The following GLS variants were observed in gnomAD, a reference collection of about 807,000 sequenced individuals.
The protein encoded by GLS is glutaminase kidney isoform, mitochondrial.
GLS carries 36 observed loss-of-function variants against 86.7 expected under a neutral mutation model. The observed-to-expected ratio is 0.42, with a 90% CI of 0.32 to 0.55. The LOEUF (loss-of-function observed/expected upper bound fraction) is 0.55. Among genes scored for constraint, GLS ranks in the 20% least tolerant of loss-of-function variants. GLS has a pLI of 0.17. For missense variants in GLS, 528 were observed against 833.4 expected (o/e 0.63, Z 4.51); for synonymous variants, 317 against 305.9 (o/e 1.04, Z -0.38).
In GLS at chr2:190,905,124, G is replaced by A. The variant is rs1689088013; in HGVS notation, c.936G>A (p.Glu312=). ...TEYVHRYVGK[E]PSGLRFNKLF... Reference sequence around the variant, plus strand: ...ATGTGCATCGATATGTTGGAAAAGAGCCGAGTGGACTAAGATTCAACAAAC... The same window carrying A: ...ATGTGCATCGATATGTTGGAAAAGAACCGAGTGGACTAAGATTCAACAAAC... Residue 312 remains glutamate (E), a synonymous_variant, in exon 6 of 18, where the codon GAG becomes GAA. Coordinates refer to ENST00000320717, the MANE Select transcript of GLS (RefSeq NM_014905.5). The surrounding 1 kb of genome is among the most constrained non-coding windows in gnomAD (Gnocchi z 4.6). 6.2e-7 allele frequency: 1 copy of A among 1,606,738 alleles called. No individual in the cohort carries two copies.
intron 14 of GLS, among the ~76,000 whole-genome samples, chr2:190,948,231 G>A (rs754655919): frequency 2.0e-5 from 3 of 152,120 alleles, no homozygotes; most frequent in Non-Finnish European, 4.4e-5. Context: ...GTTTTCATGG[G>A]AAGAATACCA....
intron 14 of GLS, 92 bp downstream of exon 14, chr2:190,931,729 G>GCAA (rs1240888074): frequency 8.6e-5 from 51 of 594,796 alleles, no homozygotes; most frequent in Non-Finnish European, 6.0e-6. Flanking sequence ...TAGTTTGTTA[G>GCAA]TGGCCTCGGG....
rs1689838243 is a variant in GLS at position 190,924,491 on chromosome 2, T to G, written c.1198-52T>G. On this transcript the variant is annotated intron_variant, in intron 10 of 17. Transcript: ENST00000320717. The surrounding 1 kb of genome is among the most constrained non-coding windows in gnomAD (Gnocchi z 5.2). ...GAAATTTTTCATATATTTCTCTACTTATGTGCATTCCTGTGTGCCTGAATT... is the reference window on the plus strand; with the variant it reads ...GAAATTTTTCATATATTTCTCTACTGATGTGCATTCCTGTGTGCCTGAATT... 8 of 898,808 alleles carry G rather than the reference T, an allele frequency of 8.9e-6. No homozygotes were observed. The Admixed American group carries it at 1.2e-4, about 14-fold the overall frequency. 55.7% of individuals were successfully genotyped at this position (898,808 alleles called of 1,614,324 possible).
rs530350238 is a variant in GLS, at chr2:190,913,945, A to C, written c.1038+3624A>C. Reference sequence around the variant, plus strand: ...CTCCAGAGTAGCTGAGACCACAGGCACAGGCTACCATGCAGGGCTAATTCT... The same window carrying C: ...CTCCAGAGTAGCTGAGACCACAGGCCCAGGCTACCATGCAGGGCTAATTCT... On this transcript the variant is annotated intron_variant, in intron 7 of 17. Coordinates refer to ENST00000320717, the MANE Select transcript of GLS (RefSeq NM_014905.5). This position sits in a 1 kb window ranked among gnomAD's most constrained non-coding sequence, Gnocchi z 6.1. 3 of 153,304 alleles carry C rather than the reference A, an allele frequency of 2.0e-5. No homozygotes were observed. The South Asian group carries it at 6.2e-4, about 32-fold the overall frequency. The allele number at this position is 153,304 out of a possible 1,614,324, so 9.5% of individuals were successfully genotyped here.
intron 3 of GLS, among the ~76,000 whole-genome samples, chr2:190,899,336 A>G (rs1688860971): frequency 6.6e-6 from 1 of 152,074 alleles, no homozygotes; most frequent in African/African-American, 2.4e-5. Flanking sequence ...TAATGTTGTA[A>G]TAGGGGGATC....
chr2:190,937,754 G>T (rs962258572), intron 14 of GLS, among the ~76,000 whole-genome samples: 1 of 150,534 alleles, frequency 6.6e-6, no homozygotes, highest in Non-Finnish European at 1.5e-5. Context: ...CTTTATAATG[G>T]CTTCCTGATC....
At chr2:190,907,597 G>T (rs1216606068) in intron 6 of GLS, among the ~76,000 whole-genome samples, 1 of 152,080 alleles carries the variant, frequency 6.6e-6, no homozygotes, top group Non-Finnish European at 1.5e-5. Context: ...GAAAGTTTTG[G>T]TAGGAGGTGG....
At chr2:190,928,766 G>C (rs1439839595) in intron 12 of GLS, among the ~76,000 whole-genome samples, 1 of 100,430 alleles carries the variant, frequency 1.0e-5, no homozygotes, top group African/African-American at 3.7e-5. Context: ...TTTTTTTCTT[G>C]TTATTTTTGG....
intron 3 of GLS, among the ~76,000 whole-genome samples, chr2:190,899,768 A>AG (rs1688874163): frequency 6.6e-6 from 1 of 152,154 alleles, no homozygotes; most frequent in African/African-American, 2.4e-5. Context: ...TCTGGCTTAA[A>AG]TTCTTTTTAG....
At chr2:190,894,952 T>A (rs1574566144) in intron 1 of GLS, among the ~76,000 whole-genome samples, 200 bp from the exon 2 acceptor site, 1 of 54,200 alleles carries the variant, frequency 1.8e-5, no homozygotes, top group African/African-American at 3.2e-5. Flanking sequence ...GTGTTAATGA[T>A]TTTTTTTCTA....
chr2:190,928,871 T>C (rs1689994401), intron 12 of GLS, among the ~76,000 whole-genome samples: 1 of 150,638 alleles, frequency 6.6e-6, no homozygotes, highest in Non-Finnish European at 1.5e-5. Flanking sequence ...TCCTATAAAT[T>C]TGTAGATCCA....
chr2:190,927,357 C>T lies in GLS; in HGVS notation c.1300C>T (p.Leu434=). The change falls in exon 12 of 18, where the codon CTG becomes TTG. Residue 434 remains leucine, a synonymous_variant. Coordinates refer to ENST00000320717, the MANE Select transcript of GLS (RefSeq NM_014905.5). ...ATCAGCCAGTGTGATGGCTGCGACA[C>T]TGGCTAATGGTGGTTTCTGCCCAAT... The part of the protein sequence containing the change: ...CESASVMAAT[L]ANGGFCPITG... 1 of 1,613,812 alleles carries T rather than the reference C, an allele frequency of 6.2e-7. No homozygotes were observed.
chr2:190,941,795 C>T (rs186980974), intron 14 of GLS, among the ~76,000 whole-genome samples: 3 of 152,118 alleles, frequency 2.0e-5, no homozygotes, highest in African/African-American at 7.2e-5. Context: ...GTGGATGACT[C>T]CTAAGAGATG....
chr2:190,909,178 A>C (rs891241550), intron 6 of GLS, among the ~76,000 whole-genome samples: 6 of 150,756 alleles, frequency 4.0e-5, no homozygotes, highest in African/African-American at 1.2e-4. Context: ...AAAATGTAGG[A>C]TATTTTTCTT....
chr2:190,907,113 A>G (rs974445130), intron 6 of GLS, among the ~76,000 whole-genome samples: 1 of 151,670 alleles, frequency 6.6e-6, no homozygotes, highest in Non-Finnish European at 1.5e-5. Context: ...TTTAGTAGAG[A>G]TGGGGTTTCA....
At chr2:190,932,734 G>A in intron 14 of GLS, 1 of 1,599,586 alleles carries the variant, frequency 6.3e-7, no homozygotes, top group South Asian at 1.1e-5. Context: ...TGGACCATTG[G>A]ACTATGAAAG....
intron 12 of GLS, among the ~76,000 whole-genome samples, chr2:190,928,708 CT>C (rs34693346): frequency 8.4e-4 from 114 of 136,392 alleles, no homozygotes; most frequent in Middle Eastern, 3.7e-3. Context: ...GTTTTGTCTC[CT>C]TTTTTTTTTT....
intron 14 of GLS, among the ~76,000 whole-genome samples, chr2:190,942,754 A>G (rs1314377808): frequency 6.6e-6 from 1 of 152,162 alleles, no homozygotes; most frequent in Non-Finnish European, 1.5e-5. Context: ...TTGATTGTGG[A>G]TATCAGGAGG....
rs1443115055 is a variant in GLS, at chr2:190,964,781, T to C, written c.*1795T>C. On this transcript the variant is annotated 3_prime_UTR_variant, in exon 18 of 18. Transcript: ENST00000320717. The surrounding 1 kb of genome is among the most constrained non-coding windows in gnomAD (Gnocchi z 5.2). ...AAAGATATTACAGGGTAGACACGTT[T>C]TAACTGAAATCAATCAAGATAACTT... 6.6e-6 allele frequency: 1 copy of C among 152,180 alleles called. No individual in the cohort carries two copies. The highest frequency in any genetic ancestry group is 2.4e-5 in the African/African-American group (1 of 41,430). The allele number at this position is 152,180 out of a possible 1,614,324, so 9.4% of individuals were successfully genotyped here.
Sources: allele counts gnomAD v4.1 joint callset (sites outside exome capture counted in the v4.1 genomes callset), GRCh38; gene constraint gnomAD v4.1.1; non-coding constraint Gnocchi (gnomAD v3.1); transcripts MANE v1.5; gene names NCBI Gene and HGNC (gene_info 2026-07-23, HGNC 2026-07-21).